Variants in LPA observed in about 807,000 individuals in gnomAD.
LPA encodes apolipoprotein(a).
A neutral mutation model predicts 197.9 loss-of-function variants in LPA; 199 were observed. That is an observed-to-expected ratio of 1.01 (90% CI 0.90 to 1.13). The LOEUF is 1.13. Among genes scored for constraint, LPA ranks in the 50% most tolerant of loss-of-function variants. LPA has a pLI of 0.00. For missense variants in LPA, 1,853 were observed against 1,785.8 expected (o/e 1.04, Z -0.68); for synonymous variants, 715 against 639.5 (o/e 1.12, Z -1.78).
intron 30 of LPA, among the ~76,000 whole-genome samples, chr6:160,554,393 C>T (rs1778221310): frequency 6.6e-6 from 1 of 152,128 alleles, no homozygotes; most frequent in African/African-American, 2.4e-5. Flanking sequence ...TTATTTACCT[C>T]CAGTGATGGT....
intron 23 of LPA, 29 bp from the exon 24 acceptor site, chr6:160,589,741 G>A: frequency 2.5e-6 from 4 of 1,612,980 alleles, no homozygotes; most frequent in Non-Finnish European, 2.5e-6. Context: ...AAAACAAACT[G>A]AGTAATTTCC....
intron 16 of LPA, among the ~76,000 whole-genome samples, chr6:160,611,209 A>T (rs1055190838): frequency 1.3e-5 from 2 of 152,140 alleles, no homozygotes; most frequent in Non-Finnish European, 2.9e-5. Context: ...TCCCTTCAGG[A>T]ATTGGAAGTC....
intron 19 of LPA, 100 bp downstream of exon 19, chr6:160,600,817 C>T (rs150065938): frequency 1.4e-5 from 19 of 1,347,188 alleles, no homozygotes; most frequent in Admixed American, 1.8e-5. Context: ...AACCAACACA[C>T]GAGAACCAGT....
At chr6:160,533,637 T>C (rs1437737475) in intron 37 of LPA, among the ~76,000 whole-genome samples, 2 of 152,228 alleles carry the variant, frequency 1.3e-5, no homozygotes, top group Non-Finnish European at 2.9e-5. Flanking sequence ...GCCAAATTAT[T>C]CTCTAAAAGG....
At chr6:160,576,340 GTATATATATATATATATATATATATACA>G (rs1562327809) in intron 28 of LPA, among the ~76,000 whole-genome samples, 13 of 40,390 alleles carry the variant, frequency 3.2e-4, no homozygotes, top group Admixed American at 1.6e-3. Flanking sequence ...GTGTGTGTGT[GTATATATATATATATATATATATATACA>G]TATATATATA....
At chr6:160,608,864 G>C (rs1779418779) in intron 16 of LPA, among the ~76,000 whole-genome samples, 1 of 150,736 alleles carries the variant, frequency 6.6e-6, no homozygotes, top group Non-Finnish European at 1.5e-5. Context: ...TTTTTGCGTG[G>C]GTGTGTATGG....
At chr6:160,568,176 G>A (rs988899069) in intron 28 of LPA, among the ~76,000 whole-genome samples, 2 of 152,136 alleles carry the variant, frequency 1.3e-5, no homozygotes, top group African/African-American at 4.8e-5. Context: ...TCCTGGCAGA[G>A]ACACAACAAA....
intron 1 of LPA, among the ~76,000 whole-genome samples, chr6:160,660,883 G>C (rs1324491431): frequency 6.6e-6 from 1 of 152,184 alleles, no homozygotes; most frequent in East Asian, 1.9e-4. Context: ...CCAAGGTGTT[G>C]ATAGGCATCC....
intron 16 of LPA, among the ~76,000 whole-genome samples, chr6:160,611,316 C>A (rs372628045): frequency 1.3e-5 from 2 of 152,082 alleles, no homozygotes. Flanking sequence ...TTCTGACTTT[C>A]TTCATAAGGT....
Position 160,611,497 on chromosome 6 carries a change from A to G in LPA, c.2603+65T>C, listed in dbSNP as rs1011110555. 3.8e-6 allele frequency: 6 copies of G among 1,594,150 alleles called. No individual in the cohort carries two copies. In the Admixed American group the frequency reaches 5.0e-5, roughly 13 times the overall value. The stretch of plus-strand genomic sequence containing the variant: ...GAGTTCGGAGAACTCAGCTTGAAGC[A>G]TGTCTCTTGTCACAGAAACTTCAGT... On this transcript the variant is annotated intron_variant, in intron 16 of 38. Transcript: ENST00000316300.
At chr6:160,570,933 G>C (rs958005030) in intron 28 of LPA, among the ~76,000 whole-genome samples, 4 of 152,152 alleles carry the variant, frequency 2.6e-5, no homozygotes, top group Non-Finnish European at 5.9e-5. Context: ...CTAGGTTGGG[G>C]AAGTTCTCCT....
chr6:160,611,408 A>G (rs1283031352), intron 16 of LPA, among the ~76,000 whole-genome samples, 154 bp downstream of exon 16: 2 of 151,974 alleles, frequency 1.3e-5, no homozygotes, highest in Non-Finnish European at 2.9e-5. Context: ...CTTCTCTCAG[A>G]CCCTTAGCTC....
intron 22 of LPA, among the ~76,000 whole-genome samples, chr6:160,592,118 A>T (rs1416113634): frequency 6.6e-6 from 1 of 152,128 alleles, no homozygotes; most frequent in Non-Finnish European, 1.5e-5. Flanking sequence ...CTGTCACATT[A>T]TCTTTTTCCT....
intron 28 of LPA, 101 bp from the exon 29 acceptor site, chr6:160,557,672 G>A (rs964882806): frequency 2.4e-5 from 24 of 1,006,752 alleles, no homozygotes; most frequent in Admixed American, 5.5e-5. Flanking sequence ...AAAAAGTGAC[G>A]TTGTAATATT....
chr6:160,584,237 T>TCCTCC (rs1562331284), intron 26 of LPA, among the ~76,000 whole-genome samples: 50 of 69,440 alleles, frequency 7.2e-4, no homozygotes, highest in Admixed American at 5.4e-3. Flanking sequence ...CTTCTTCTTC[T>TCCTCC]TCCTCCTCCT....
intron 32 of LPA, among the ~76,000 whole-genome samples, chr6:160,545,749 C>CAA (rs1778058942): frequency 6.6e-6 from 1 of 152,040 alleles, no homozygotes; most frequent in South Asian, 2.1e-4. Flanking sequence ...CACCCTTAAC[C>CAA]AGGGTGTGGT....
chr6:160,603,090 C>A (rs1354888612), intron 18 of LPA, among the ~76,000 whole-genome samples: 1 of 148,114 alleles, frequency 6.8e-6, no homozygotes, highest in African/African-American at 2.5e-5. Context: ...AAGTTTTTAG[C>A]TATCCTTGCT....
intron 17 of LPA, among the ~76,000 whole-genome samples, chr6:160,605,887 C>T (rs551523651): frequency 5.3e-5 from 8 of 152,306 alleles, no homozygotes; most frequent in African/African-American, 1.9e-4. Context: ...ACAGGTACAA[C>T]TGCCACCAGA....
In LPA at chr6:160,531,909, A is replaced by G; in HGVS notation, c.5962-19T>C. ...TGTCACCCTAAACAGAGGTAGGGGA[A>G]AATTCATGTGAGCTTTAAGCTGCCA... On this transcript the variant is annotated intron_variant, in intron 38 of 38. Transcript: ENST00000316300. 2 of 1,613,874 alleles carry G rather than the reference A, an allele frequency of 1.2e-6. No individual in the cohort carries two copies. The highest frequency in any genetic ancestry group is 1.7e-6 in the Non-Finnish European group (2 of 1,179,812).
Sources: gnomAD v4.1 joint callset for allele counts (sites outside exome capture counted in the v4.1 genomes callset) on GRCh38, gnomAD v4.1.1 for gene constraint, MANE v1.5 for transcripts, NCBI Gene and HGNC (gene_info 2026-07-23, HGNC 2026-07-21) for gene names.